RYR2: variants seen among roughly 807,000 people sequenced by gnomAD.
RYR2 encodes cardiac muscle ryanodine receptor-calcium release channel.
RYR2 carries 227 observed loss-of-function variants against 601.1 expected under a neutral mutation model. That is an observed-to-expected ratio of 0.38 (90% CI 0.34 to 0.42). RYR2 has a LOEUF of 0.42. Among genes scored for constraint, RYR2 ranks in the 10% least tolerant of loss-of-function variants. The pLI, the probability that RYR2 is intolerant of heterozygous loss-of-function variation, is 1.00. For synonymous variants in RYR2, 2,223 were observed against 2,175.1 expected (o/e 1.02, Z -0.61); for missense variants, 4,646 against 6,156.5 (o/e 0.75, Z 8.21).
intron 1 of RYR2, among the ~76,000 whole-genome samples, chr1:237,124,819 C>T (rs1006034624): frequency 6.6e-6 from 1 of 152,182 alleles, no homozygotes; most frequent in African/African-American, 2.4e-5. Context: ...CCACCCCCAT[C>T]CCATCTCCCC....
At chr1:237,795,799 C>T (rs888437480) in intron 96 of RYR2, among the ~76,000 whole-genome samples, 9 of 146,328 alleles carry the variant, frequency 6.2e-5, no homozygotes, top group East Asian at 4.0e-4. Context: ...CGGTGGCTCA[C>T]GCCTGTATGT....
chr1:237,771,993 AT>A lies in RYR2; in HGVS notation c.11558-12del. 7 of 1,412,134 alleles carry A rather than the reference AT, an allele frequency of 5.0e-6. No individual in the cohort carries two copies. The highest frequency in any genetic ancestry group is 1.4e-5 in the African/African-American group (1 of 70,362). 87.5% of individuals were successfully genotyped at this position (1,412,134 alleles called of 1,614,324 possible). A position where few individuals can be genotyped will look rare whatever the true frequency, so the allele number is the denominator to read the frequency against. On this transcript the variant is annotated intron_variant, in intron 85 of 104. Coordinates refer to ENST00000366574, the MANE Select transcript of RYR2 (RefSeq NM_001035.3). ...GAACTTCTGAGCAAGCATTAATAAC[AT>A]TTTTTTATCTTGCATAGATTTTCAG...
intron 84 of RYR2, among the ~76,000 whole-genome samples, chr1:237,762,250 G>A (rs1693487406): frequency 6.6e-6 from 1 of 152,092 alleles, no homozygotes; most frequent in Non-Finnish European, 1.5e-5. Context: ...GGTTCAGAAG[G>A]CCAGACCTTT....
At chr1:237,755,067 A>G (rs1476731239) in intron 80 of RYR2, 1 of 1,288,852 alleles carries the variant, frequency 7.8e-7, no homozygotes, top group East Asian at 5.6e-5. Context: ...GCAGCACGAT[A>G]TTATCAAAGA....
intron 1 of RYR2, among the ~76,000 whole-genome samples, chr1:237,162,250 T>TAAACA (rs1676093889): frequency 6.6e-6 from 1 of 152,200 alleles, no homozygotes; most frequent in Non-Finnish European, 1.5e-5. Context: ...ACTGTTTATG[T>TAAACA]GGATTATGTA....
At chr1:237,366,288 A>G (rs1419805328) in intron 5 of RYR2, among the ~76,000 whole-genome samples, 1 of 152,202 alleles carries the variant, frequency 6.6e-6, no homozygotes, top group Non-Finnish European at 1.5e-5. Context: ...GTCCATGTCA[A>G]ATGGATGTCT....
chr1:237,071,097 T>C (rs1162354501), intron 1 of RYR2, among the ~76,000 whole-genome samples: 2 of 152,140 alleles, frequency 1.3e-5, no homozygotes. Flanking sequence ...AACTGGTGGG[T>C]GAGTTAGTCG....
At chr1:237,509,081 G>A (rs1278602815) in intron 23 of RYR2, among the ~76,000 whole-genome samples, 58 of 152,096 alleles carry the variant, frequency 3.8e-4, no homozygotes, top group Admixed American at 3.8e-3. Flanking sequence ...GTACCGTGGG[G>A]CCTTCTTGCC....
chr1:237,103,221 A>G (rs1407854555), intron 1 of RYR2, among the ~76,000 whole-genome samples: 1 of 152,176 alleles, frequency 6.6e-6, no homozygotes, highest in East Asian at 1.9e-4. Context: ...AGTGGACATT[A>G]TTTTAAAATT....
intron 12 of RYR2, among the ~76,000 whole-genome samples, chr1:237,425,950 C>T (rs1706109111): frequency 1.3e-5 from 2 of 152,028 alleles, no homozygotes; most frequent in East Asian, 1.9e-4. Context: ...CAGATTCATA[C>T]TATCCCAATA....
intron 16 of RYR2, among the ~76,000 whole-genome samples, chr1:237,462,506 A>G (rs1456208866): frequency 6.6e-6 from 1 of 152,176 alleles, no homozygotes; most frequent in African/African-American, 2.4e-5. Context: ...GATGCTTACA[A>G]GACAGAATGA....
intron 29 of RYR2, among the ~76,000 whole-genome samples, chr1:237,576,825 T>C (rs989269986): frequency 3.9e-5 from 6 of 152,286 alleles, no homozygotes; most frequent in African/African-American, 7.2e-5. Context: ...AGGTATTTCA[T>C]AGAAGCAACA....
chr1:237,397,272 T>A (rs1702939836), intron 10 of RYR2, among the ~76,000 whole-genome samples: 1 of 151,074 alleles, frequency 6.6e-6, no homozygotes, highest in African/African-American at 2.4e-5. Flanking sequence ...AATGATAAAT[T>A]GTGTTAACAG....
rs573717136 is a variant in RYR2, at chr1:237,232,683, G to T, written c.49-37814G>T. ...GGCCCTACGTCTGGACTGGTTACCA[G>T]TGAGAAGTAGGGGGCAGTCTTGGGA... On this transcript the variant is annotated intron_variant, in intron 1 of 104. Coordinates refer to ENST00000366574, the MANE Select transcript of RYR2 (RefSeq NM_001035.3). Among the ~76,000 whole-genome samples the T allele has an allele frequency of 2.6e-5, 4 of 152,282 alleles. No individual in the cohort carries two copies. In the East Asian group the frequency reaches 7.7e-4, roughly 29 times the overall value.
At chr1:237,641,485 C>CTTTCTT (rs1553264984) in intron 47 of RYR2, among the ~76,000 whole-genome samples, 1 of 72,190 alleles carries the variant, frequency 1.4e-5, no homozygotes, top group African/African-American at 4.0e-5. Flanking sequence ...TTCTTTCTTT[C>CTTTCTT]TTTCTTTCTT....
intron 12 of RYR2, among the ~76,000 whole-genome samples, chr1:237,434,265 A>G (rs1051737527): frequency 1.3e-5 from 2 of 152,162 alleles, no homozygotes; most frequent in Non-Finnish European, 2.9e-5. Flanking sequence ...CTCAATTGTC[A>G]TTGGGGTGTC....
At chr1:237,272,935 A>G (rs1409527263) in intron 2 of RYR2, among the ~76,000 whole-genome samples, 5 of 152,164 alleles carry the variant, frequency 3.3e-5, no homozygotes, top group Admixed American at 3.3e-4. Flanking sequence ...ATCTGTAGAG[A>G]TATAGAAGAT....
At chr1:237,547,047 C>T (rs898717630) in intron 25 of RYR2, among the ~76,000 whole-genome samples, 4 of 143,184 alleles carry the variant, frequency 2.8e-5, no homozygotes, top group African/African-American at 1.0e-4. Flanking sequence ...GCTCTGTCAC[C>T]CAGGCTGGAG....
intron 29 of RYR2, among the ~76,000 whole-genome samples, chr1:237,584,448 A>T (rs1572973644): frequency 6.6e-6 from 1 of 152,222 alleles, no homozygotes; most frequent in Admixed American, 6.5e-5. Context: ...TTTGTATTCA[A>T]AGTTGTGCTC....
Sources: allele counts gnomAD v4.1 joint callset (sites outside exome capture counted in the v4.1 genomes callset), GRCh38; gene constraint gnomAD v4.1.1; transcripts MANE v1.5; gene names NCBI Gene and HGNC (gene_info 2026-07-23, HGNC 2026-07-21).